The following LINGO2 variants were observed in gnomAD, a reference collection of about 807,000 sequenced individuals.
The protein encoded by LINGO2 is leucine rich repeat and Ig domain containing 2.
Under a neutral mutation model 30.6 loss-of-function variants are expected in LINGO2, and 14 were observed. That is an observed-to-expected ratio of 0.46 (90% confidence interval 0.30 to 0.72). The LOEUF (loss-of-function observed/expected upper bound fraction) is 0.72. LINGO2 is among the 30% of genes least tolerant of loss of function. LINGO2 has a pLI of 0.07. For synonymous variants in LINGO2, 317 were observed against 288.5 expected, an observed-to-expected ratio of 1.10 and a Z score of -1.00; for missense variants, 729 against 751.7, an observed-to-expected ratio of 0.97 and a Z score of 0.35.
At chr9:28,367,728 A>T (rs1288186829) in intron 3 of LINGO2, among the ~76,000 whole-genome samples, 3 of 151,930 alleles carry the variant, frequency 2.0e-5, no homozygotes, top group Non-Finnish European at 2.9e-5. Context: ...AGCATCATAA[A>T]AGTTGTTATT....
chr9:28,891,453 T>G, the LINGO2 span, among the ~76,000 whole-genome samples: 32 of 148,304 alleles, frequency 2.2e-4, no homozygotes, highest in South Asian at 7.0e-3. Context: ...AATGCTAAAA[T>G]CTTGAAGCAG....
chr9:28,120,715 T>C (rs1156558804), intron 4 of LINGO2, among the ~76,000 whole-genome samples: 1 of 152,180 alleles, frequency 6.6e-6, no homozygotes, highest in Non-Finnish European at 1.5e-5. Context: ...TGAGTGTAGT[T>C]CCTTGTTAAA....
At chr9:28,086,221 G>A (rs1227312682) in intron 4 of LINGO2, among the ~76,000 whole-genome samples, 2 of 151,820 alleles carry the variant, frequency 1.3e-5, no homozygotes, top group Non-Finnish European at 2.9e-5. Context: ...AAATCCACAC[G>A]TCTCTGAGCT....
chr9:28,104,051 A>G (rs1826496841), intron 4 of LINGO2, among the ~76,000 whole-genome samples: 1 of 151,888 alleles, frequency 6.6e-6, no homozygotes, highest in East Asian at 1.9e-4. Flanking sequence ...TTAAAGGGGG[A>G]AAAAAACTCC....
the LINGO2 span, among the ~76,000 whole-genome samples, chr9:28,947,343 T>C: frequency 6.6e-6 from 1 of 152,204 alleles, no homozygotes; most frequent in South Asian, 2.1e-4. Context: ...ATAGAGTAGA[T>C]TTTGCAGTCA....
the LINGO2 span, among the ~76,000 whole-genome samples, chr9:28,785,685 C>T: frequency 3.1e-4 from 19 of 60,984 alleles, no homozygotes; most frequent in East Asian, 3.0e-3. Flanking sequence ...CACACACACA[C>T]GCACACACAC....
chr9:29,145,417 A>G, the LINGO2 span, among the ~76,000 whole-genome samples: 9 of 147,908 alleles, frequency 6.1e-5, no homozygotes, highest in African/African-American at 1.9e-4. Context: ...AGAAAAAATT[A>G]GTGTTTTTTT....
At chr9:28,449,032 CGTGTGTGTGTGT>C (rs140779747) in intron 2 of LINGO2, among the ~76,000 whole-genome samples, 38 of 137,994 alleles carry the variant, frequency 2.8e-4, no homozygotes, top group East Asian at 1.3e-3. Context: ...TATTCACATT[CGTGTGTGTGTGT>C]GTGTGTGTGT....
intron 1 of LINGO2, among the ~76,000 whole-genome samples, chr9:28,605,966 C>T (rs1349234267): frequency 6.7e-6 from 1 of 148,592 alleles, no homozygotes; most frequent in East Asian, 2.1e-4. Flanking sequence ...AGAGTCGATT[C>T]TTTCTTTTTG....
intron 1 of LINGO2, among the ~76,000 whole-genome samples, chr9:28,480,462 A>G (rs946470530): frequency 1.3e-5 from 2 of 152,084 alleles, no homozygotes; most frequent in Non-Finnish European, 2.9e-5. Context: ...AGACACAAAC[A>G]TGGAAGTAAA....
At chr9:28,304,883 G>C (rs1297056473) in intron 3 of LINGO2, among the ~76,000 whole-genome samples, 1 of 151,930 alleles carries the variant, frequency 6.6e-6, no homozygotes, top group African/African-American at 2.4e-5. Context: ...CTGTAGCTGA[G>C]GTTATAATGC....
chr9:28,763,809 T>TAAATAAATAA, the LINGO2 span, among the ~76,000 whole-genome samples: 2 of 150,384 alleles, frequency 1.3e-5, no homozygotes, highest in Non-Finnish European at 3.0e-5. Context: ...AGAGAGAGGA[T>TAAATAAATAA]ACAAATAAAT....
chr9:29,165,192 T>C, the LINGO2 span, among the ~76,000 whole-genome samples: 1 of 152,182 alleles, frequency 6.6e-6, no homozygotes, highest in African/African-American at 2.4e-5. Flanking sequence ...GGCATCTGTA[T>C]CAATAGACAT....
At chr9:27,956,699 C>G (rs1288656128) in intron 5 of LINGO2, among the ~76,000 whole-genome samples, 1 of 151,912 alleles carries the variant, frequency 6.6e-6, no homozygotes, top group Non-Finnish European at 1.5e-5. Flanking sequence ...AGTCCGTGAC[C>G]CATTTTGAAT....
the LINGO2 span, among the ~76,000 whole-genome samples, chr9:28,709,399 G>A: frequency 6.6e-5 from 10 of 151,986 alleles, no homozygotes; most frequent in Non-Finnish European, 8.8e-5. Flanking sequence ...AGTGTTTTGA[G>A]TAAGAATGGT....
chr9:28,046,983 C>T (rs937268985), intron 4 of LINGO2, among the ~76,000 whole-genome samples: 1 of 152,090 alleles, frequency 6.6e-6, no homozygotes, highest in Non-Finnish European at 1.5e-5. Flanking sequence ...AGCATCCTGG[C>T]TGCAAGATAA....
At chr9:28,710,030 T>C in the LINGO2 span, among the ~76,000 whole-genome samples, 8 of 151,320 alleles carry the variant, frequency 5.3e-5, no homozygotes, top group African/African-American at 1.9e-4. Context: ...CAAACTGAAA[T>C]ATACATCTCG....
At chr9:29,040,463 C>T in the LINGO2 span, among the ~76,000 whole-genome samples, 1 of 151,648 alleles carries the variant, frequency 6.6e-6, no homozygotes, top group East Asian at 1.9e-4. Context: ...TAATAGTATA[C>T]TATTTTTACA....
chr9:28,134,820 G>T (rs893707875), intron 4 of LINGO2, among the ~76,000 whole-genome samples: 1 of 151,842 alleles, frequency 6.6e-6, no homozygotes, highest in Non-Finnish European at 1.5e-5. Context: ...TTCCGTTTAT[G>T]ACAACGGCAG....
Sources: allele counts gnomAD v4.1 joint callset (sites outside exome capture counted in the v4.1 genomes callset), GRCh38; gene constraint gnomAD v4.1.1; transcripts MANE v1.5; gene names NCBI Gene and HGNC (gene_info 2026-07-23, HGNC 2026-07-21).